ITGA8: variants seen among roughly 807,000 people sequenced by gnomAD.
ITGA8 encodes the protein integrin subunit alpha 8.
ITGA8 carries 91 observed loss-of-function variants against 142.3 expected under a neutral mutation model. The ratio of observed to expected loss-of-function variants is 0.64; its 90% confidence interval spans 0.54 to 0.76. The LOEUF (loss-of-function observed/expected upper bound fraction) is 0.76, where lower values mean the gene tolerates loss of function less well. Among genes scored for constraint, ITGA8 ranks in the 30% least tolerant of loss-of-function variants. The probability of loss-of-function intolerance (pLI) is 0.00; values close to 1 mark genes in which losing one functional copy is unlikely to be tolerated. For synonymous variants in ITGA8, 505 were observed against 485.2 expected (o/e 1.04, Z -0.54); for missense variants, 1,406 against 1,327.7 (o/e 1.06, Z -0.92).
intron 13 of ITGA8, 29 bp downstream of exon 13, chr10:15,644,001 C>G: frequency 6.3e-7 from 1 of 1,593,226 alleles, no homozygotes; most frequent in Non-Finnish European, 8.6e-7. Flanking sequence ...GACGTAGACT[C>G]TCACGTGGGA....
intron 8 of ITGA8, among the ~76,000 whole-genome samples, chr10:15,668,312 G>C (rs1564400281): frequency 1.3e-5 from 2 of 151,796 alleles, no homozygotes; most frequent in South Asian, 2.1e-4. Flanking sequence ...TTGGTTTAAA[G>C]TCTGTTTTAT....
intron 28 of ITGA8, among the ~76,000 whole-genome samples, chr10:15,529,552 C>G (rs1833249806): frequency 6.6e-6 from 1 of 152,178 alleles, no homozygotes; most frequent in Non-Finnish European, 1.5e-5. Flanking sequence ...AATTGTCTCT[C>G]ATAAGACTTT....
At chr10:15,555,898 C>A (rs1833879104) in intron 26 of ITGA8, among the ~76,000 whole-genome samples, 1 of 150,950 alleles carries the variant, frequency 6.6e-6, no homozygotes, top group Non-Finnish European at 1.5e-5. Context: ...GGGGTTTCAC[C>A]ACGCTAACCA....
chr10:15,650,109 G>C (rs1334037870), intron 11 of ITGA8, among the ~76,000 whole-genome samples: 1 of 152,072 alleles, frequency 6.6e-6, no homozygotes, highest in Non-Finnish European at 1.5e-5. Flanking sequence ...AAAAGAAATG[G>C]GCTATCAAGC....
intron 13 of ITGA8, among the ~76,000 whole-genome samples, chr10:15,637,165 G>T (rs1371814599): frequency 2.0e-5 from 3 of 152,136 alleles, no homozygotes; most frequent in Non-Finnish European, 4.4e-5. Context: ...TTTAAACAGA[G>T]GCTGTCCCTC....
intron 22 of ITGA8, among the ~76,000 whole-genome samples, chr10:15,588,685 T>C (rs1832873359): frequency 6.6e-6 from 1 of 152,222 alleles, no homozygotes; most frequent in African/African-American, 2.4e-5. Flanking sequence ...CAAAGTTTCA[T>C]TTAAGTTATT....
chr10:15,668,085 TG>T (rs1834431911), intron 8 of ITGA8, among the ~76,000 whole-genome samples: 2 of 152,224 alleles, frequency 1.3e-5, no homozygotes, highest in African/African-American at 2.4e-5. Context: ...GTTAACTTTC[TG>T]TCTATTTGAT....
In ITGA8 at chr10:15,516,636, A is replaced by G. The variant is rs1215347670; in HGVS notation, c.*522T>C. ...TCAAAAGTACTTTCACAGTACCAACAACATATTGCTTGTCTCCCTGAGCCA... is the reference window on the plus strand; with the variant it reads ...TCAAAAGTACTTTCACAGTACCAACGACATATTGCTTGTCTCCCTGAGCCA... On this transcript the variant is annotated 3_prime_UTR_variant, in exon 30 of 30. Coordinates refer to ENST00000378076, the MANE Select transcript of ITGA8 (RefSeq NM_003638.3). 1 of 152,296 alleles carries G rather than the reference A, an allele frequency of 6.6e-6. No individual in the cohort carries two copies. Among genetic ancestry groups the G allele is most frequent in the African/African-American group, 2.4e-5 (1 of 41,474 alleles). 9.4% of individuals were successfully genotyped at this position (152,296 alleles called of 1,614,324 possible). A position where few individuals can be genotyped will look rare whatever the true frequency, so the allele number is the denominator to read the frequency against.
chr10:15,699,795 G>T (rs550141245), intron 2 of ITGA8, among the ~76,000 whole-genome samples: 1 of 152,210 alleles, frequency 6.6e-6, no homozygotes, highest in Non-Finnish European at 1.5e-5. Context: ...AGCAGTGGAG[G>T]AGTGAGGGAT....
At chr10:15,674,161 T>A (rs1364723545) in intron 6 of ITGA8, among the ~76,000 whole-genome samples, 1 of 152,202 alleles carries the variant, frequency 6.6e-6, no homozygotes, top group Non-Finnish European at 1.5e-5. Flanking sequence ...ACTATTCTGA[T>A]ATTAAGACCA....
chr10:15,680,294 C>G (rs1221159625), intron 4 of ITGA8, among the ~76,000 whole-genome samples: 2 of 134,030 alleles, frequency 1.5e-5, no homozygotes. Context: ...GTGGCGCGAT[C>G]TCAGCTCACT....
At chr10:15,561,245 A>ATACATATATATATATATATATATG (rs1833975537) in intron 25 of ITGA8, among the ~76,000 whole-genome samples, 1 of 133,846 alleles carries the variant, frequency 7.5e-6, no homozygotes, top group Non-Finnish European at 1.6e-5. Flanking sequence ...GTATATATAT[A>ATACATATATATATATATATATATG]TATATATATG....
Position 15,517,045 on chromosome 10 carries a change from T to TTAAAAAAA in ITGA8, c.*112_*113insTTTTTTTA. On this transcript the variant is annotated 3_prime_UTR_variant, in exon 30 of 30. Coordinates refer to ENST00000378076, the MANE Select transcript of ITGA8 (RefSeq NM_003638.3). Reference sequence around the variant, plus strand: ...GGTGATGTTTCCAGGGTCCCCTCCATTTCCTGGGTCACTGTCAGGTATCAG... The same window carrying TTAAAAAAA: ...GGTGATGTTTCCAGGGTCCCCTCCATTAAAAAAATTCCTGGGTCACTGTCAGGTATCAG... 1 of 672,476 alleles carries TTAAAAAAA rather than the reference T, an allele frequency of 1.5e-6. No individual in the cohort carries two copies. Among genetic ancestry groups the TTAAAAAAA allele is most frequent in the South Asian group, 2.1e-5 (1 of 47,828 alleles). 41.7% of individuals were successfully genotyped at this position (672,476 alleles called of 1,614,324 possible). A position where few individuals can be genotyped will look rare whatever the true frequency, so the allele number is the denominator to read the frequency against.
rs1213511861 is a variant in ITGA8 at position 15,548,098 on chromosome 10, A to ATTTTTTTTTT, written c.2880+347_2880+356dup. Among the ~76,000 whole-genome samples, 173 of 147,280 alleles carry ATTTTTTTTTT rather than the reference A, an allele frequency of 1.2e-3. 1 individual carries two copies. Among genetic ancestry groups the ATTTTTTTTTT allele is most frequent in the African/African-American group, 4.0e-3 (157 of 39,604 alleles). On this transcript the variant is annotated intron_variant, in intron 27 of 29. Coordinates refer to ENST00000378076, the MANE Select transcript of ITGA8 (RefSeq NM_003638.3). ...TTTTAAGTTTAAAATTCAAGTTTTA[A>ATTTTTTTTTT]TTTTTTTTTTTGAGGCAGTGTCTCA...
intron 2 of ITGA8, among the ~76,000 whole-genome samples, chr10:15,701,431 T>C (rs1158573537): frequency 6.6e-6 from 1 of 152,142 alleles, no homozygotes; most frequent in East Asian, 1.9e-4. Flanking sequence ...TTGATTTGAC[T>C]CATCCTCCAT....
At chr10:15,707,092 T>C (rs567830887) in intron 2 of ITGA8, among the ~76,000 whole-genome samples, 8 of 152,258 alleles carry the variant, frequency 5.3e-5, no homozygotes, top group Non-Finnish European at 1.0e-4. Flanking sequence ...TGAAAGTTCT[T>C]GTGACCACCT....
At chr10:15,614,323 G>T (rs1833355643) in intron 14 of ITGA8, among the ~76,000 whole-genome samples, 2 of 152,122 alleles carry the variant, frequency 1.3e-5, no homozygotes, top group South Asian at 4.1e-4. Flanking sequence ...GAATAATTCT[G>T]TACATCAGCC....
chr10:15,571,760 T>C (rs537687176), intron 25 of ITGA8, among the ~76,000 whole-genome samples: 2 of 152,358 alleles, frequency 1.3e-5, no homozygotes, highest in East Asian at 1.9e-4. Context: ...GGAGTTCTCA[T>C]GGCCCTTGGC....
chr10:15,669,015 A>G (rs1337789600), intron 8 of ITGA8, among the ~76,000 whole-genome samples: 2 of 152,112 alleles, frequency 1.3e-5, no homozygotes, highest in African/African-American at 4.8e-5. Flanking sequence ...ACTCTTCTGG[A>G]GGAGTATCTT....
Sources: allele counts gnomAD v4.1 joint callset (sites outside exome capture counted in the v4.1 genomes callset), GRCh38; gene constraint gnomAD v4.1.1; transcripts MANE v1.5; gene names NCBI Gene and HGNC (gene_info 2026-07-23, HGNC 2026-07-21).